NEURL1: variants seen among roughly 807,000 people sequenced by gnomAD.
NEURL1 encodes neuralized E3 ubiquitin protein ligase 1.
A neutral mutation model predicts 41.2 loss-of-function variants in NEURL1; 26 were observed. The observed-to-expected ratio is 0.63, with a 90% confidence interval of 0.46 to 0.87. The LOEUF (loss-of-function observed/expected upper bound fraction) is 0.87. Ranked by LOEUF, NEURL1 falls within the 40% of genes least tolerant of loss-of-function variation. The pLI, the probability that NEURL1 is intolerant of heterozygous loss-of-function variation, is 0.00. For synonymous variants in NEURL1, 400 were observed against 402.3 expected, an observed-to-expected ratio of 0.99 and a Z score of 0.07; for missense variants, 761 against 871.1, an observed-to-expected ratio of 0.87 and a Z score of 1.59.
At chr10:103,535,413 G>T (rs917745719) in intron 1 of NEURL1, among the ~76,000 whole-genome samples, 8 of 152,174 alleles carry the variant, frequency 5.3e-5, no homozygotes, top group African/African-American at 1.9e-4. Flanking sequence ...ATGCACAGTT[G>T]CTCAGCTTGG....
chr10:103,579,845 G>A (rs1592238963), intron 3 of NEURL1, among the ~76,000 whole-genome samples: 1 of 152,180 alleles, frequency 6.6e-6, no homozygotes, highest in Non-Finnish European at 1.5e-5. Context: ...TGGAGGCTGA[G>A]GCACAAGAAT....
chr10:103,563,855 G>C (rs2035360008), intron 1 of NEURL1, among the ~76,000 whole-genome samples: 1 of 152,194 alleles, frequency 6.6e-6, no homozygotes, highest in South Asian at 2.1e-4. Context: ...TTCAGATCTG[G>C]GCTCCTCACT....
At chr10:103,519,691 T>C (rs1235305356) in intron 1 of NEURL1, among the ~76,000 whole-genome samples, 1 of 152,210 alleles carries the variant, frequency 6.6e-6, no homozygotes, top group Non-Finnish European at 1.5e-5. Context: ...TTGGGCCACC[T>C]GTCCTGGACA....
chr10:103,573,918 TG>T (rs1210993689), intron 3 of NEURL1, among the ~76,000 whole-genome samples: 4 of 152,252 alleles, frequency 2.6e-5, no homozygotes, highest in African/African-American at 9.6e-5. Flanking sequence ...CAAGTGGTGC[TG>T]GTGCTTCTCT....
At chr10:103,588,796 A>G in intron 4 of NEURL1, 1 of 428,986 alleles carries the variant, frequency 2.3e-6, no homozygotes, top group East Asian at 7.1e-5. Flanking sequence ...ATATTAAAAA[A>G]TTAGCTGGGT....
chr10:103,573,930 CA>C, intron 3 of NEURL1, among the ~76,000 whole-genome samples: 1 of 152,348 alleles, frequency 6.6e-6, no homozygotes, highest in Non-Finnish European at 1.5e-5. Flanking sequence ...GTGCTTCTCT[CA>C]GTACTGAGCA....
intron 1 of NEURL1, among the ~76,000 whole-genome samples, chr10:103,546,628 C>T (rs2034929934): frequency 6.6e-6 from 1 of 152,234 alleles, no homozygotes; most frequent in African/African-American, 2.4e-5. Context: ...ATGTTCCCAT[C>T]TAGGGTGCTG....
Position 103,585,081 on chromosome 10 carries a change from C to A in NEURL1, c.1195C>A (p.Leu399Met). Reference protein sequence around the residue: ...VPGPLHSGDILGLVVNADGEL... With the variant: ...VPGPLHSGDIMGLVVNADGEL... ...CGGGCCCCTGCACAGCGGCGACATC[C>A]TGGGCCTGGTGGTCAACGCCGACGG... Residue 399 changes from leucine to methionine, a missense_variant, in exon 4 of 6, where the codon CTG becomes ATG. Leu to Met is a conservative substitution (Grantham distance 15). Around this residue, in one of 5 missense-constraint regions of NEURL1, gnomAD observed 443 missense variants for 408.1 expected, o/e 1.09. Coordinates refer to ENST00000369780, the MANE Select transcript of NEURL1 (RefSeq NM_004210.5). 1 of 1,590,882 alleles carries A rather than the reference C, an allele frequency of 6.3e-7. No individual in the cohort carries two copies.
chr10:103,570,364 C>G (rs905665436), intron 1 of NEURL1, among the ~76,000 whole-genome samples: 13 of 152,202 alleles, frequency 8.5e-5, no homozygotes, highest in African/African-American at 3.1e-4. Flanking sequence ...CCCAAGGTCA[C>G]AGAGCCAGTT....
Position 103,591,905 on chromosome 10 carries a change from A to G in NEURL1, c.*1533A>G, listed in dbSNP as rs2036057181. 6.6e-6 allele frequency: 1 copy of G among 152,302 alleles called. No individual in the cohort carries two copies. Among genetic ancestry groups the G allele is most frequent in the African/African-American group, 2.4e-5 (1 of 41,414 alleles). The allele number at this position is 152,302 out of a possible 1,614,324, so 9.4% of individuals were successfully genotyped here. On this transcript the variant is annotated 3_prime_UTR_variant, in exon 6 of 6. Transcript: ENST00000369780. ...TGTTCGTAGGGAAGATGAGGAGGCA[A>G]GGGCTGCCTCTCACACCTCCAGGTT...
chr10:103,502,825 G>A (rs1014205329), intron 1 of NEURL1, among the ~76,000 whole-genome samples: 1 of 152,228 alleles, frequency 6.6e-6, no homozygotes, highest in Non-Finnish European at 1.5e-5. Flanking sequence ...AGGGCCGCCT[G>A]TTTCCTGTTA....
Position 103,589,510 on chromosome 10 carries a change from AC to A in NEURL1, c.1340-3del, listed in dbSNP as rs2133887724. On this transcript the variant is annotated splice_region_variant and splice_polypyrimidine_tract_variant and intron_variant, in intron 4 of 5. Transcript: ENST00000369780. Reference sequence around the variant, plus strand: ...TGTGTCCTTCCCTCCCTCCCCTTTCACAGGCTCCACTATCCTGGCCGAGCGG... The same window carrying A: ...TGTGTCCTTCCCTCCCTCCCCTTTCAAGGCTCCACTATCCTGGCCGAGCGG... 2 of 1,591,014 alleles carry A rather than the reference AC, an allele frequency of 1.3e-6. No homozygotes were observed. The highest frequency in any genetic ancestry group is 4.5e-5 in the East Asian group (2 of 44,176).
chr10:103,514,322 C>T (rs970682981), intron 1 of NEURL1, among the ~76,000 whole-genome samples: 2 of 152,092 alleles, frequency 1.3e-5, no homozygotes, highest in African/African-American at 4.8e-5. Context: ...GATCTCTTGA[C>T]CTTGTGATCT....
At chr10:103,581,202 A>T (rs1778584804) in intron 3 of NEURL1, among the ~76,000 whole-genome samples, 1 of 152,178 alleles carries the variant, frequency 6.6e-6, no homozygotes, top group South Asian at 2.1e-4. Flanking sequence ...TGAGGCTGGG[A>T]GGAAGGTTGC....
chr10:103,517,845 C>A (rs1035035167), intron 1 of NEURL1, among the ~76,000 whole-genome samples: 1 of 152,212 alleles, frequency 6.6e-6, no homozygotes, highest in Admixed American at 6.5e-5. Context: ...AGGGAAATGC[C>A]TGCCAGGAGG....
chr10:103,559,846 GCACA>G (rs199507586), intron 1 of NEURL1, among the ~76,000 whole-genome samples: 2 of 143,526 alleles, frequency 1.4e-5, no homozygotes, highest in Non-Finnish European at 3.1e-5. Context: ...ACATATGTGC[GCACA>G]CACACACATG....
chr10:103,563,510 T>G (rs1402508134), intron 1 of NEURL1, among the ~76,000 whole-genome samples: 1 of 152,022 alleles, frequency 6.6e-6, no homozygotes. Flanking sequence ...ATGCCAGCAC[T>G]GGTATTCAGG....
chr10:103,516,697 C>G (rs907737207), intron 1 of NEURL1, among the ~76,000 whole-genome samples: 1 of 152,114 alleles, frequency 6.6e-6, no homozygotes, highest in African/African-American at 2.4e-5. Flanking sequence ...TATGATATGG[C>G]ACAGTGCAGT....
chr10:103,567,294 T>C (rs963630431), intron 1 of NEURL1, among the ~76,000 whole-genome samples: 1 of 151,274 alleles, frequency 6.6e-6, no homozygotes, highest in Non-Finnish European at 1.5e-5. Flanking sequence ...TGAAGGAACC[T>C]TTTTTTTTCT....
Sources: allele counts gnomAD v4.1 joint callset (sites outside exome capture counted in the v4.1 genomes callset), GRCh38; gene constraint gnomAD v4.1.1; regional missense constraint gnomAD v4.1.1; transcripts MANE v1.5; gene names NCBI Gene and HGNC (gene_info 2026-07-23, HGNC 2026-07-21).